The following ARFGEF3 variants were observed in gnomAD, a reference collection of about 807,000 sequenced individuals.
ARFGEF3 encodes ARFGEF family member 3, also known as brefeldin A-inhibited guanine nucleotide-exchange protein 3.
In ARFGEF3, 96 loss-of-function variants were observed where a neutral mutation model predicts 221.7. That is an observed-to-expected ratio of 0.43 (90% CI 0.37 to 0.51). The LOEUF is 0.51. ARFGEF3 is among the 20% of genes least tolerant of loss of function. The pLI, the probability that ARFGEF3 is intolerant of heterozygous loss-of-function variation, is 0.00. For missense variants in ARFGEF3, 2,410 were observed against 2,789.9 expected, an observed-to-expected ratio of 0.86 and a Z score of 3.07; for synonymous variants, 1,145 against 1,126.8, an observed-to-expected ratio of 1.02 and a Z score of -0.32.
chr6:138,199,574 C>G (rs1284087305), intron 2 of ARFGEF3, among the ~76,000 whole-genome samples: 1 of 152,130 alleles, frequency 6.6e-6, no homozygotes, highest in Non-Finnish European at 1.5e-5. Flanking sequence ...TGTAGTTTCC[C>G]TTGTAGAGAT....
At chr6:138,258,908 G>A (rs1778736281) in intron 10 of ARFGEF3, among the ~76,000 whole-genome samples, 1 of 152,168 alleles carries the variant, frequency 6.6e-6, no homozygotes. Context: ...TTTGCATATG[G>A]CATCCATAGG....
intron 2 of ARFGEF3, among the ~76,000 whole-genome samples, chr6:138,179,168 C>T (rs1462829141): frequency 6.6e-6 from 1 of 152,238 alleles, no homozygotes; most frequent in East Asian, 1.9e-4. Flanking sequence ...AACCTCCACT[C>T]CTATCCTGTC....
At chr6:138,317,796 C>T (rs1389969787) in intron 27 of ARFGEF3, among the ~76,000 whole-genome samples, 1 of 152,148 alleles carries the variant, frequency 6.6e-6, no homozygotes, top group African/African-American at 2.4e-5. Flanking sequence ...GTAATATAAA[C>T]CACTTTCAGC....
rs746723375 is a variant in ARFGEF3, at chr6:138,334,900, C to T, written c.6054C>T (p.Ala2018=). Residue 2018 remains alanine (A), a synonymous_variant, in exon 33 of 34, where the codon GCC becomes GCT. Coordinates refer to ENST00000251691, the MANE Select transcript of ARFGEF3 (RefSeq NM_020340.5). The surrounding 1 kb of genome is among the most constrained non-coding windows in gnomAD (Gnocchi z 5.1). ...NAGNKIYTMA[A]DKTISKLMTE... ...GGAACAAAATCTACACCATGGCAGC[C>T]GACAAGACCATTTCAAAGTTGATGA... 21 of 1,591,268 alleles carry T rather than the reference C, an allele frequency of 1.3e-5. No homozygotes were observed. The African/African-American group carries it at 1.3e-4, about 10-fold the overall frequency.
chr6:138,180,073 A>G (rs1777047512), intron 2 of ARFGEF3, among the ~76,000 whole-genome samples: 4 of 152,206 alleles, frequency 2.6e-5, no homozygotes, highest in Admixed American at 1.3e-4. Context: ...TTAGCCTCCC[A>G]AAGTGTTGGA....
At chr6:138,180,093 G>A (rs1400250469) in intron 2 of ARFGEF3, among the ~76,000 whole-genome samples, 3 of 152,342 alleles carry the variant, frequency 2.0e-5, no homozygotes, top group Non-Finnish European at 2.9e-5. Flanking sequence ...AGTTACAGGT[G>A]TGAACCACCA....
intron 2 of ARFGEF3, among the ~76,000 whole-genome samples, chr6:138,177,314 T>G (rs1278339189): frequency 6.6e-6 from 1 of 152,070 alleles, no homozygotes; most frequent in Non-Finnish European, 1.5e-5. Context: ...AGATTGGGTT[T>G]CATCATGTTG....
chr6:138,270,459 CACACAT>C (rs1052333785), intron 12 of ARFGEF3, among the ~76,000 whole-genome samples: 6 of 131,630 alleles, frequency 4.6e-5, no homozygotes, highest in African/African-American at 2.2e-4. Context: ...CACACACACA[CACACAT>C]ATATATATCT....
chr6:138,194,353 C>CCTGCTG (rs1482858950), intron 2 of ARFGEF3, among the ~76,000 whole-genome samples: 1 of 151,990 alleles, frequency 6.6e-6, no homozygotes, highest in Non-Finnish European at 1.5e-5. Flanking sequence ...GTGTTAGGAA[C>CCTGCTG]CTGCTGCTGC....
intron 15 of ARFGEF3, 75 bp downstream of exon 15, chr6:138,286,128 G>T: frequency 2.1e-6 from 2 of 932,978 alleles, no homozygotes. Context: ...GTTATGTGGT[G>T]ACTTGAATCA....
chr6:138,221,223 G>T (rs527309573), intron 4 of ARFGEF3, among the ~76,000 whole-genome samples: 1 of 152,128 alleles, frequency 6.6e-6, no homozygotes, highest in Non-Finnish European at 1.5e-5. Flanking sequence ...CAAGTGTTTT[G>T]GGGGTTTGGT....
intron 12 of ARFGEF3, among the ~76,000 whole-genome samples, chr6:138,274,575 G>T (rs1181282558): frequency 1.3e-5 from 2 of 151,802 alleles, no homozygotes; most frequent in African/African-American, 4.8e-5. Context: ...AAGGCGGGTG[G>T]ATCCCCTGAG....
rs1415724832 is a variant in ARFGEF3, at chr6:138,340,716, A to G, written c.*4230A>G. 4 of 152,146 alleles carry G rather than the reference A, an allele frequency of 2.6e-5. No homozygotes were observed. The highest frequency in any genetic ancestry group is 4.8e-5 in the African/African-American group (2 of 41,446). The allele number at this position is 152,146 out of a possible 1,614,324, so 9.4% of individuals were successfully genotyped here. On this transcript the variant is annotated 3_prime_UTR_variant, in exon 34 of 34. Transcript: ENST00000251691. ...GAGGTTAAGAAATTTGCCCAAGATA[A>G]CAAGTAAAAGGCAAAGTTGGTTGCA...
intron 2 of ARFGEF3, among the ~76,000 whole-genome samples, chr6:138,174,795 T>G (rs2179414): frequency 0.23 from 34,765 of 152,022 alleles, 5,479 homozygotes; most frequent in African/African-American, 0.43. Context: ...TTTTGCCACT[T>G]ATTTGTTAAT....
At position 138,207,140 on chromosome 6, in the gene ARFGEF3, A is replaced by G. The variant is rs752794114; in HGVS notation, c.219+17A>G. ...GGGATGCAGGTATGGCTTTGACTGA[A>G]TGCAATGGGATGATAGAAATTGACA... On this transcript the variant is annotated intron_variant, in intron 3 of 33. Transcript: ENST00000251691. 28 of 1,592,662 alleles carry G rather than the reference A, an allele frequency of 1.8e-5. No individual in the cohort carries two copies. The highest frequency in any genetic ancestry group is 2.3e-5 in the Non-Finnish European group (27 of 1,164,630).
At chr6:138,292,641 T>C (rs575422690) in intron 19 of ARFGEF3, among the ~76,000 whole-genome samples, 1 of 152,154 alleles carries the variant, frequency 6.6e-6, no homozygotes, top group Non-Finnish European at 1.5e-5. Context: ...CAGTGTTTGG[T>C]CACTGTGTCC....
intron 17 of ARFGEF3, among the ~76,000 whole-genome samples, chr6:138,287,882 C>T (rs73567093): frequency 7.0e-4 from 107 of 152,178 alleles, no homozygotes; most frequent in African/African-American, 2.5e-3. Flanking sequence ...AATTTAGGTC[C>T]GTGTTTCTCA....
Position 138,343,483 on chromosome 6 carries a change from T to C in ARFGEF3, c.*6997T>C, listed in dbSNP as rs1292353138. ...TTTTTTTTTGGTTTTTTTTTTACTT[T>C]AGTTTCCCATAATTTTTGGAAATTA... On this transcript the variant is annotated 3_prime_UTR_variant, in exon 34 of 34. Transcript: ENST00000251691. 6.6e-6 allele frequency: 1 copy of C among 152,076 alleles called. No individual in the cohort carries two copies. Among genetic ancestry groups the C allele is most frequent in the East Asian group, 1.9e-4 (1 of 5,196 alleles). 9.4% of individuals were successfully genotyped at this position (152,076 alleles called of 1,614,324 possible). A position where few individuals can be genotyped will look rare whatever the true frequency, so the allele number is the denominator to read the frequency against.
chr6:138,290,071 A>G, intron 18 of ARFGEF3, 103 bp downstream of exon 18: 1 of 1,081,094 alleles, frequency 9.2e-7, no homozygotes, highest in Non-Finnish European at 1.3e-6. Context: ...GCCTGCCAGC[A>G]TGTAAATCAA....
Sources: gnomAD v4.1 joint callset for allele counts (sites outside exome capture counted in the v4.1 genomes callset) on GRCh38, gnomAD v4.1.1 for gene constraint, Gnocchi (gnomAD v3.1) non-coding constraint, MANE v1.5 for transcripts, NCBI Gene and HGNC (gene_info 2026-07-23, HGNC 2026-07-21) for gene names.